ZNF438: variants seen among roughly 807,000 people sequenced by gnomAD.
The protein encoded by ZNF438 is zinc finger protein 438.
A neutral mutation model predicts 38.0 loss-of-function variants in ZNF438; 25 were observed. The observed-to-expected ratio is 0.66, with a 90% CI of 0.48 to 0.92. The LOEUF (loss-of-function observed/expected upper bound fraction) is 0.92. Ranked by LOEUF, ZNF438 falls within the 40% of genes least tolerant of loss-of-function variation. The probability of loss-of-function intolerance (pLI) is 0.00; values close to 1 mark genes in which losing one functional copy is unlikely to be tolerated. For missense variants in ZNF438, 1,007 were observed against 999.6 expected (o/e 1.01, Z -0.10); for synonymous variants, 372 against 364.1 (o/e 1.02, Z -0.25).
At position 30,874,108 on chromosome 10, in the gene ZNF438, GTGTGTGTATATATATA is replaced by G. The variant is rs1388877035; in HGVS notation, c.37+2874_37+2889del. Among the ~76,000 whole-genome samples the G allele has an allele frequency of 7.0e-3, 759 of 108,218 alleles. 27 individuals are homozygous for G. The highest frequency in any genetic ancestry group is 0.027 in the African/African-American group (691 of 25,406). 71.0% of individuals were successfully genotyped at this position (108,218 alleles called of 152,430 possible). On this transcript the variant is annotated intron_variant, in intron 4 of 5. Transcript: ENST00000413025. ...ATTACGTGTGGGTGTGTGGGGGTGT[GTGTGTGTATATATATA>G]TATATATATATATATATATATATAT... is the stretch of plus-strand genomic sequence containing the variant.
intron 1 of ZNF438, among the ~76,000 whole-genome samples, chr10:30,955,516 T>G (rs112024209): frequency 1.8e-4 from 27 of 152,330 alleles, no homozygotes; most frequent in African/African-American, 5.8e-4. Context: ...GCCACAATAA[T>G]AAGTCTGACT....
At chr10:30,874,955 G>A (rs1284770760) in intron 4 of ZNF438, among the ~76,000 whole-genome samples, 1 of 152,032 alleles carries the variant, frequency 6.6e-6, no homozygotes, top group South Asian at 2.1e-4. Flanking sequence ...GTAAAATAAG[G>A]TTTACGTCTA....
intron 4 of ZNF438, among the ~76,000 whole-genome samples, chr10:30,868,226 C>G (rs1290477921): frequency 4.6e-5 from 7 of 151,924 alleles, no homozygotes; most frequent in Admixed American, 3.9e-4. Flanking sequence ...CCCGCCACCC[C>G]ACCCAGCTAA....
At chr10:30,973,906 T>C (rs2051028123) in intron 1 of ZNF438, among the ~76,000 whole-genome samples, 1 of 152,248 alleles carries the variant, frequency 6.6e-6, no homozygotes, top group African/African-American at 2.4e-5. Flanking sequence ...CGTGTGACCA[T>C]GCCCAGCTCA....
intron 3 of ZNF438, among the ~76,000 whole-genome samples, chr10:30,887,273 A>G (rs1429525591): frequency 2.6e-5 from 4 of 152,212 alleles, no homozygotes; most frequent in African/African-American, 9.6e-5. Flanking sequence ...GCTCTGGGCC[A>G]TGCTTTCCCC....
chr10:30,854,713 T>C (rs947451554), intron 4 of ZNF438, among the ~76,000 whole-genome samples: 10 of 152,210 alleles, frequency 6.6e-5, no homozygotes, highest in African/African-American at 2.4e-4. Flanking sequence ...TAAATTATGC[T>C]GCTGGGGCAT....
At chr10:30,995,579 A>G (rs1257033144) in intron 1 of ZNF438, among the ~76,000 whole-genome samples, 1 of 152,246 alleles carries the variant, frequency 6.6e-6, no homozygotes, top group East Asian at 1.9e-4. Flanking sequence ...ATGCCAGTAA[A>G]GGAAATTACG....
At chr10:30,956,524 G>T (rs2048882524) in intron 1 of ZNF438, among the ~76,000 whole-genome samples, 1 of 152,170 alleles carries the variant, frequency 6.6e-6, no homozygotes, top group Non-Finnish European at 1.5e-5. Flanking sequence ...CTATGTGACT[G>T]TAGGTTTGCA....
At chr10:30,934,159 G>GAAAAAAA (rs34603319) in intron 2 of ZNF438, among the ~76,000 whole-genome samples, 1 of 144,500 alleles carries the variant, frequency 6.9e-6, no homozygotes, top group Non-Finnish European at 1.5e-5. Context: ...AAAAGAAAAA[G>GAAAAAAA]AAAAAAAAAA....
chr10:31,022,975 T>G (rs1213264258), intron 1 of ZNF438, among the ~76,000 whole-genome samples: 1 of 152,192 alleles, frequency 6.6e-6, no homozygotes, highest in Non-Finnish European at 1.5e-5. Flanking sequence ...CCTGCTCTGA[T>G]TAATAAAGAC....
Position 30,902,065 on chromosome 10 carries a change from G to A in ZNF438, c.-32+6868C>T, listed in dbSNP as rs373113335. On this transcript the variant is annotated intron_variant, in intron 3 of 5. Coordinates refer to ENST00000413025, the Ensembl canonical transcript of ZNF438. ...TAAAGGCAGTGTGGACCCAAAGAGTGGGCAGCAGCAAGATTTATTGCATAG... is the reference window on the plus strand; with the variant it reads ...TAAAGGCAGTGTGGACCCAAAGAGTAGGCAGCAGCAAGATTTATTGCATAG... 3.3e-5 allele frequency among the ~76,000 whole-genome samples: 5 copies of A among 152,244 alleles called. No homozygotes were observed. The East Asian group carries it at 9.7e-4, about 29-fold the overall frequency.
At chr10:30,931,308 G>C (rs1216612842) in intron 2 of ZNF438, among the ~76,000 whole-genome samples, 1 of 152,142 alleles carries the variant, frequency 6.6e-6, no homozygotes, top group African/African-American at 2.4e-5. Context: ...TGAGTTTTTG[G>C]CTGAAACCAT....
chr10:30,937,110 G>A (rs1589287226), intron 2 of ZNF438, among the ~76,000 whole-genome samples: 1 of 152,000 alleles, frequency 6.6e-6, no homozygotes, highest in Non-Finnish European at 1.5e-5. Context: ...CTCTCTGCTG[G>A]CCCAGTTATC....
chr10:30,902,181 G>GC (rs2042089636), intron 3 of ZNF438, among the ~76,000 whole-genome samples: 2 of 152,056 alleles, frequency 1.3e-5, no homozygotes, highest in Admixed American at 6.6e-5. Context: ...CTCTTATCTG[G>GC]CCCCACCTAA....
chr10:30,874,875 C>G (rs1431777015), intron 4 of ZNF438, among the ~76,000 whole-genome samples: 1 of 151,422 alleles, frequency 6.6e-6, no homozygotes, highest in African/African-American at 2.4e-5. Context: ...TATGATAGAT[C>G]TGAGTTCAAA....
At chr10:30,957,954 T>G (rs2049046698) in intron 1 of ZNF438, among the ~76,000 whole-genome samples, 1 of 146,932 alleles carries the variant, frequency 6.8e-6, no homozygotes, top group South Asian at 2.2e-4. Context: ...TTGACCTTCC[T>G]GTGCCTGGAT....
intron 3 of ZNF438, among the ~76,000 whole-genome samples, chr10:30,891,899 T>C (rs982857439): frequency 7.2e-5 from 11 of 152,170 alleles, no homozygotes; most frequent in African/African-American, 2.7e-4. Context: ...GCTAACAGAA[T>C]GTTCAGAAGG....
chr10:30,993,762 C>A (rs141777825), intron 1 of ZNF438, among the ~76,000 whole-genome samples: 56 of 152,332 alleles, frequency 3.7e-4, no homozygotes, highest in African/African-American at 1.3e-3. Flanking sequence ...GTCCAACCTG[C>A]GAAAGCCACA....
At chr10:31,014,744 A>C (rs2056037990) in intron 1 of ZNF438, among the ~76,000 whole-genome samples, 1 of 152,216 alleles carries the variant, frequency 6.6e-6, no homozygotes. Flanking sequence ...ATCTGTTGTA[A>C]GGATCAAATA....
Sources: allele counts gnomAD v4.1 joint callset (sites outside exome capture counted in the v4.1 genomes callset), GRCh38; gene constraint gnomAD v4.1.1; transcripts MANE v1.5; gene names NCBI Gene and HGNC (gene_info 2026-07-23, HGNC 2026-07-21).